Variants in RANBP17 observed in about 807,000 individuals in gnomAD.
RANBP17 encodes the protein ran-binding protein 17.
A neutral mutation model predicts 141.2 loss-of-function variants in RANBP17; 158 were observed. The ratio of observed to expected loss-of-function variants is 1.12; its 90% CI spans 0.98 to 1.28. The LOEUF (loss-of-function observed/expected upper bound fraction) is 1.28. RANBP17 is among the 50% of genes most tolerant of loss of function. The pLI, the probability that RANBP17 is intolerant of heterozygous loss-of-function variation, is 0.00. For missense variants in RANBP17, 1,438 were observed against 1,290.7 expected, an observed-to-expected ratio of 1.11 and a Z score of -1.75; for synonymous variants, 430 against 450.0, an observed-to-expected ratio of 0.96 and a Z score of 0.56.
At chr5:170,903,471 C>T (rs2059181) in intron 5 of RANBP17, 99,982 of 163,364 alleles carry the variant, frequency 0.61, 32,492 homozygotes, top group South Asian at 0.9. Context: ...CTGGCTTAGC[C>T]CCCTTTCCAG....
At chr5:171,277,632 T>G (rs1383615302) in intron 25 of RANBP17, among the ~76,000 whole-genome samples, 6 of 71,424 alleles carry the variant, frequency 8.4e-5, no homozygotes, top group Non-Finnish European at 1.6e-4. Flanking sequence ...TATACATATA[T>G]GTATGTATAT....
At chr5:171,258,494 A>G (rs1220539127) in intron 24 of RANBP17, among the ~76,000 whole-genome samples, 3 of 152,212 alleles carry the variant, frequency 2.0e-5, no homozygotes, top group Non-Finnish European at 4.4e-5. Context: ...TTACAAGGCT[A>G]TAGTAACCAA....
At chr5:170,979,506 C>T (rs1581299708) in intron 14 of RANBP17, among the ~76,000 whole-genome samples, 1 of 152,124 alleles carries the variant, frequency 6.6e-6, no homozygotes. Flanking sequence ...CTTGATTTCC[C>T]ATGTGTTGTG....
chr5:171,157,741 C>T lies in RANBP17; in HGVS notation c.1711-12389C>T, dbSNP rs147360472. 2.6e-3 allele frequency among the ~76,000 whole-genome samples: 395 copies of T among 152,308 alleles called. 2 individuals are homozygous for T. Among genetic ancestry groups the T allele is most frequent in the African/African-American group, 8.9e-3 (368 of 41,560 alleles). On this transcript the variant is annotated intron_variant, in intron 14 of 27. Coordinates refer to ENST00000523189, the MANE Select transcript of RANBP17 (RefSeq NM_022897.5). ...CTTTTATGATGACTGTGAACAGTAA[C>T]TGCATCCATTAGCCATAAGTTTTGT...
intron 14 of RANBP17, among the ~76,000 whole-genome samples, chr5:171,058,253 T>C (rs916740511): frequency 1.3e-5 from 2 of 151,548 alleles, no homozygotes; most frequent in African/African-American, 4.8e-5. Flanking sequence ...GCTGGTGTGC[T>C]GCACCCATTA....
chr5:171,148,399 T>TA lies in RANBP17; in HGVS notation c.1711-21721dup, dbSNP rs973506616. Among the ~76,000 whole-genome samples the TA allele has an allele frequency of 2.0e-3, 306 of 151,300 alleles. 1 individual carries two copies. The highest frequency in any genetic ancestry group is 7.2e-3 in the African/African-American group (296 of 41,288). ...AGAATTATCAATAAAAAAATAAATT[T>TA]AAAAAAAAAATTTTTAATCTCAGAT... On this transcript the variant is annotated intron_variant, in intron 14 of 27. Coordinates refer to ENST00000523189, the MANE Select transcript of RANBP17 (RefSeq NM_022897.5).
At chr5:170,875,172 T>C (rs994250274) in intron 1 of RANBP17, among the ~76,000 whole-genome samples, 2 of 152,176 alleles carry the variant, frequency 1.3e-5, no homozygotes, top group African/African-American at 4.8e-5. Flanking sequence ...CTCTTCTGGC[T>C]TGTAGGGTTT....
Position 170,909,778 on chromosome 5 carries a change from ATAATTCAACTTCCTAGT to A in RANBP17, c.594+16_594+32del. ...TCTTTTAAAAGAGGTAAGTTATTTG[ATAATTCAACTTCCTAGT>A]TAGAATATTTGGGAAATTTTAAGAG... On this transcript the variant is annotated intron_variant, in intron 6 of 27. Transcript: ENST00000523189. 3 of 1,227,132 alleles carry A rather than the reference ATAATTCAACTTCCTAGT, an allele frequency of 2.4e-6. No homozygotes were observed. Among genetic ancestry groups the A allele is most frequent in the Non-Finnish European group, 3.6e-6 (3 of 836,574 alleles). The allele number at this position is 1,227,132 out of a possible 1,614,324, so 76.0% of individuals were successfully genotyped here. A position where few individuals can be genotyped will look rare whatever the true frequency, so the allele number is the denominator to read the frequency against.
chr5:171,095,688 C>T (rs769587773), intron 14 of RANBP17, among the ~76,000 whole-genome samples: 1 of 152,008 alleles, frequency 6.6e-6, no homozygotes, highest in African/African-American at 2.4e-5. Flanking sequence ...TTTCTATTTC[C>T]GTGGATTGTA....
intron 12 of RANBP17, among the ~76,000 whole-genome samples, chr5:170,950,121 G>A (rs766787764): frequency 6.6e-6 from 1 of 152,022 alleles, no homozygotes; most frequent in Non-Finnish European, 1.5e-5. Flanking sequence ...CTTAAGACCT[G>A]AAACTATAAA....
chr5:171,221,542 A>C (rs1158155938), intron 21 of RANBP17, among the ~76,000 whole-genome samples: 3 of 152,258 alleles, frequency 2.0e-5, no homozygotes, highest in Admixed American at 1.3e-4. Flanking sequence ...TTGAATTAGC[A>C]AATAAATGAA....
chr5:171,037,633 A>G (rs986882069), intron 14 of RANBP17, among the ~76,000 whole-genome samples: 4 of 152,210 alleles, frequency 2.6e-5, no homozygotes, highest in African/African-American at 7.2e-5. Flanking sequence ...ATACAGCTAC[A>G]TATAGCTAGC....
At chr5:170,911,565 TTTGACTTCATTGGCAGTTCAATAGGTGA>T in intron 7 of RANBP17, among the ~76,000 whole-genome samples, 1 of 151,822 alleles carries the variant, frequency 6.6e-6, no homozygotes, top group East Asian at 2.0e-4. Flanking sequence ...CTGCCTTAAC[TTTGACTTCATTGGCAGTTCAATAGGTGA>T]TTCTACAAAT....
At chr5:171,023,029 C>A in intron 14 of RANBP17, among the ~76,000 whole-genome samples, 1 of 152,310 alleles carries the variant, frequency 6.6e-6, no homozygotes, top group East Asian at 1.9e-4. Flanking sequence ...GGAGGGGGCT[C>A]CCCTGCCCCA....
At chr5:170,871,031 G>A (rs1035010910) in intron 1 of RANBP17, among the ~76,000 whole-genome samples, 23 of 152,080 alleles carry the variant, frequency 1.5e-4, no homozygotes, top group African/African-American at 5.3e-4. Flanking sequence ...TTTGAGAAGT[G>A]TCTGTTCATG....
chr5:171,131,733 A>G (rs1246729278), intron 14 of RANBP17, among the ~76,000 whole-genome samples: 2 of 152,224 alleles, frequency 1.3e-5, no homozygotes, highest in Non-Finnish European at 2.9e-5. Context: ...TCATGGCATT[A>G]GCATGCTGAC....
At chr5:171,207,301 C>G (rs186821343) in intron 20 of RANBP17, 1 of 152,206 alleles carries the variant, frequency 6.6e-6, no homozygotes, top group Non-Finnish European at 1.5e-5. Context: ...TTTTTCTCTT[C>G]AACAGTTTCA....
chr5:171,132,342 T>C (rs1019177498), intron 14 of RANBP17, among the ~76,000 whole-genome samples: 1 of 151,374 alleles, frequency 6.6e-6, no homozygotes, highest in Non-Finnish European at 1.5e-5. Context: ...GCTTAAATTA[T>C]TATTATGGAG....
intron 14 of RANBP17, among the ~76,000 whole-genome samples, chr5:171,006,939 CG>C (rs1448245097): frequency 6.6e-6 from 1 of 152,006 alleles, no homozygotes; most frequent in African/African-American, 2.4e-5. Context: ...CAGGAAACCA[CG>C]TAATCTCGCT....
Sources: gnomAD v4.1 joint callset for allele counts (sites outside exome capture counted in the v4.1 genomes callset) on GRCh38, gnomAD v4.1.1 for gene constraint, MANE v1.5 for transcripts, NCBI Gene and HGNC (gene_info 2026-07-23, HGNC 2026-07-21) for gene names.